The following CCDC169 variants were observed in gnomAD, a reference collection of about 807,000 sequenced individuals.
CCDC169 encodes coiled-coil domain-containing protein 169.
Under a neutral mutation model 36.0 loss-of-function variants are expected in CCDC169, and 30 were observed. The ratio of observed to expected loss-of-function variants is 0.83; its 90% CI spans 0.62 to 1.13. The LOEUF (loss-of-function observed/expected upper bound fraction) is 1.13. CCDC169 is among the 50% of genes most tolerant of loss of function. The pLI is 0.00. For synonymous variants in CCDC169, 85 were observed against 81.5 expected (o/e 1.04, Z -0.23); for missense variants, 245 against 245.9 (o/e 1.00, Z 0.03).
intron 4 of CCDC169, among the ~76,000 whole-genome samples, chr13:36,265,817 G>A (rs926630725): frequency 2.0e-5 from 3 of 152,290 alleles, no homozygotes; most frequent in East Asian, 3.9e-4. Context: ...CTTGGTGATG[G>A]AGATAGTTAT....
intron 2 of CCDC169, among the ~76,000 whole-genome samples, chr13:36,295,415 G>A (rs73169219): frequency 6.6e-6 from 1 of 151,996 alleles, no homozygotes; most frequent in Non-Finnish European, 1.5e-5. Flanking sequence ...ACCTAGATAC[G>A]GATTTTAAAC....
intron 4 of CCDC169, 140 bp from the exon 5 acceptor site, chr13:36,254,283 T>A (rs1873557931): frequency 3.5e-6 from 2 of 572,496 alleles, no homozygotes; most frequent in South Asian, 5.5e-5. Context: ...TACTTTTTTT[T>A]TTTTTTTTTT....
At chr13:36,227,062 T>C, downstream of CCDC169, 1 of 458,504 alleles carries the variant, frequency 2.2e-6, no homozygotes, top group Non-Finnish European at 3.8e-6. Context: ...AGAAGTTTCA[T>C]TCAGTTTGAG....
chr13:36,237,791 T>C (rs887948099), intron 7 of CCDC169, among the ~76,000 whole-genome samples: 1 of 152,216 alleles, frequency 6.6e-6, no homozygotes, highest in African/African-American at 2.4e-5. Flanking sequence ...AAGATTATAA[T>C]ACTGTATTTG....
At chr13:36,260,787 T>C (rs7325972) in intron 4 of CCDC169, among the ~76,000 whole-genome samples, 61,628 of 152,058 alleles carry the variant, frequency 0.41, 13,274 homozygotes, top group Non-Finnish European at 0.48. Flanking sequence ...TTTTTTGTGT[T>C]AGTGCATCCC....
At chr13:36,267,979 A>T (rs1431076778) in intron 4 of CCDC169, among the ~76,000 whole-genome samples, 2 of 152,204 alleles carry the variant, frequency 1.3e-5, no homozygotes, top group African/African-American at 4.8e-5. Flanking sequence ...TTTAAATTTT[A>T]AAAATTACTA....
chr13:36,232,664 C>T (rs1215798886), intron 7 of CCDC169, among the ~76,000 whole-genome samples: 4 of 64,108 alleles, frequency 6.2e-5, no homozygotes, highest in African/African-American at 1.7e-4. Context: ...GCCGAGATTG[C>T]GCCACTGCAG....
rs571383266 is a variant in CCDC169, at chr13:36,249,970, C to A, written c.469-1288G>T. ...AAATAGAATTCATTCATTCATTCAGCTAATGTTACTGAGCATCTACTATAT... is the reference window on the plus strand; with the variant it reads ...AAATAGAATTCATTCATTCATTCAGATAATGTTACTGAGCATCTACTATAT... On this transcript the variant is annotated intron_variant, in intron 6 of 7. Transcript: ENST00000239859. 2.1e-5 allele frequency among the ~76,000 whole-genome samples: 3 copies of A among 140,174 alleles called. No homozygotes were observed. In the South Asian group the frequency reaches 7.1e-4, roughly 33 times the overall value. The allele number at this position is 140,174 out of a possible 152,430, so 92.0% of individuals were successfully genotyped here. A position where few individuals can be genotyped will look rare whatever the true frequency, so the allele number is the denominator to read the frequency against.
intron 4 of CCDC169, among the ~76,000 whole-genome samples, chr13:36,259,214 C>T (rs185857815): frequency 6.6e-6 from 1 of 152,106 alleles, no homozygotes; most frequent in Non-Finnish European, 1.5e-5. Flanking sequence ...GCGTCCTGAC[C>T]CCTGGCGATG....
chr13:36,247,560 G>T (rs568350283), intron 7 of CCDC169, among the ~76,000 whole-genome samples: 1 of 152,172 alleles, frequency 6.6e-6, no homozygotes, highest in Admixed American at 6.5e-5. Context: ...ACTATGAGGG[G>T]TGCAAGACTT....
At chr13:36,246,018 C>T (rs1464494951) in intron 7 of CCDC169, among the ~76,000 whole-genome samples, 1 of 152,172 alleles carries the variant, frequency 6.6e-6, no homozygotes, top group African/African-American at 2.4e-5. Flanking sequence ...TATAAAACAG[C>T]AAACTGTTTA....
chr13:36,254,203 AC>A, intron 4 of CCDC169, 60 bp from the exon 5 acceptor site: 1 of 1,210,754 alleles, frequency 8.3e-7, no homozygotes, highest in Non-Finnish European at 1.1e-6. Context: ...ATAAGAAATG[AC>A]CATCAATTTC....
intron 2 of CCDC169, among the ~76,000 whole-genome samples, chr13:36,290,076 A>T (rs1878684762): frequency 6.6e-6 from 1 of 152,160 alleles, no homozygotes; most frequent in Non-Finnish European, 1.5e-5. Context: ...CTATGAAGTT[A>T]CAGGGCTTTG....
chr13:36,249,951 A>AATTCATTC (rs6145002), intron 6 of CCDC169, among the ~76,000 whole-genome samples: 3 of 151,620 alleles, frequency 2.0e-5, no homozygotes, highest in East Asian at 2.0e-4. Context: ...CAGAAAATAG[A>AATTCATTC]ATTCATTCAT....
At chr13:36,260,075 T>C (rs2138511063) in intron 4 of CCDC169, among the ~76,000 whole-genome samples, 1 of 152,384 alleles carries the variant, frequency 6.6e-6, no homozygotes, top group East Asian at 1.9e-4. Flanking sequence ...TTATTTCATT[T>C]AATCCTTATT....
intron 7 of CCDC169, among the ~76,000 whole-genome samples, chr13:36,238,466 AT>A (rs1871342634): frequency 6.6e-6 from 1 of 152,202 alleles, no homozygotes; most frequent in Admixed American, 6.5e-5. Context: ...CAATTAAAAA[AT>A]TTTTTTAAAT....
At chr13:36,256,722 G>A (rs1275793447) in intron 4 of CCDC169, among the ~76,000 whole-genome samples, 2 of 152,154 alleles carry the variant, frequency 1.3e-5, no homozygotes, top group African/African-American at 4.8e-5. Context: ...ACCGGCCTGG[G>A]GTGCTGGCCA....
At chr13:36,239,212 G>A (rs1452095305) in intron 7 of CCDC169, among the ~76,000 whole-genome samples, 1 of 150,144 alleles carries the variant, frequency 6.7e-6, no homozygotes, top group Non-Finnish European at 1.5e-5. Context: ...CACTGTAGCT[G>A]GGGCAACAGC....
intron 4 of CCDC169, among the ~76,000 whole-genome samples, chr13:36,263,955 A>C (rs765048657): frequency 1.6e-4 from 24 of 152,188 alleles, no homozygotes; most frequent in Non-Finnish European, 4.4e-5. Flanking sequence ...AAGAATTCCA[A>C]GTTTAGGCTA....
Sources: gnomAD v4.1 joint callset for allele counts (sites outside exome capture counted in the v4.1 genomes callset) on GRCh38, gnomAD v4.1.1 for gene constraint, MANE v1.5 for transcripts, NCBI Gene and HGNC (gene_info 2026-07-23, HGNC 2026-07-21) for gene names.